Variants in ELAVL4 observed in about 807,000 individuals in gnomAD.
ELAVL4 encodes the protein ELAV-like protein 4.
In ELAVL4, 1 loss-of-function variant was observed where a neutral mutation model predicts 35.6. The ratio of observed to expected loss-of-function variants is 0.03; its 90% CI spans 0.01 to 0.13. The LOEUF is 0.13. Among genes scored for constraint, ELAVL4 ranks in the 10% least tolerant of loss-of-function variants. The pLI is 1.00. For synonymous variants in ELAVL4, 156 were observed against 171.0 expected, an observed-to-expected ratio of 0.91 and a Z score of 0.69; for missense variants, 267 against 464.9, an observed-to-expected ratio of 0.57 and a Z score of 3.91.
At chr1:50,070,941 G>A (rs1664490374) in intron 1 of ELAVL4, among the ~76,000 whole-genome samples, 1 of 152,066 alleles carries the variant, frequency 6.6e-6, no homozygotes, top group African/African-American at 2.4e-5. Context: ...CTGCCTCTCA[G>A]ACACTCAGAT....
intron 1 of ELAVL4, among the ~76,000 whole-genome samples, chr1:50,065,827 G>T (rs886374568): frequency 2.6e-5 from 4 of 152,146 alleles, no homozygotes; most frequent in Non-Finnish European, 5.9e-5. Context: ...ATGTGTCGGG[G>T]TTGAGGGCTA....
intron 1 of ELAVL4, among the ~76,000 whole-genome samples, chr1:50,086,859 G>C: frequency 6.6e-6 from 1 of 152,062 alleles, no homozygotes. Context: ...AATAGGTACT[G>C]CTGTAGTGTG....
intron 2 of ELAVL4, among the ~76,000 whole-genome samples, chr1:50,154,083 T>C (rs1376017475): frequency 6.6e-6 from 1 of 152,190 alleles, no homozygotes; most frequent in Non-Finnish European, 1.5e-5. Context: ...AGATAATGAA[T>C]AGAACAGGCA....
At chr1:50,154,732 T>TTTG (rs958579984) in intron 2 of ELAVL4, among the ~76,000 whole-genome samples, 20 of 147,802 alleles carry the variant, frequency 1.4e-4, no homozygotes, top group African/African-American at 5.1e-4. Flanking sequence ...CTTTGCCTGG[T>TTTG]TTGTTGTTGT....
intron 1 of ELAVL4, among the ~76,000 whole-genome samples, chr1:50,056,093 A>C (rs1185861667): frequency 6.6e-6 from 1 of 152,086 alleles, no homozygotes; most frequent in Admixed American, 6.5e-5. Context: ...CTTTTTCCCT[A>C]CATTTCTGAT....
intron 1 of ELAVL4, among the ~76,000 whole-genome samples, chr1:50,112,086 T>C (rs1227314462): frequency 4.6e-5 from 7 of 152,124 alleles, no homozygotes; most frequent in African/African-American, 1.7e-4. Flanking sequence ...CCCAATTCTT[T>C]TTTCCTTGCA....
intron 1 of ELAVL4, among the ~76,000 whole-genome samples, chr1:50,136,093 G>A (rs1671838250): frequency 1.3e-5 from 2 of 152,110 alleles, no homozygotes; most frequent in African/African-American, 2.4e-5. Context: ...AAAGAAGGAC[G>A]GGAGAGAATA....
At chr1:50,190,069 A>T (rs775813784) in intron 3 of ELAVL4, among the ~76,000 whole-genome samples, 2 of 152,198 alleles carry the variant, frequency 1.3e-5, no homozygotes, top group Non-Finnish European at 2.9e-5. Context: ...ACCCCTACCC[A>T]GAGAGAGGAG....
In ELAVL4 at chr1:50,109,016, C is replaced by CGGGGCGGG; in HGVS notation, c.-174_-173insGGGGCGGG. ...CTCCTTTTCTTTTTTTTCTTTCTCTCCCCCGCCCACCCCCCCAAAAATAAT... is the reference window on the plus strand; with the variant it reads ...CTCCTTTTCTTTTTTTTCTTTCTCTCGGGGCGGGCCCCGCCCACCCCCCCAAAAATAAT... On this transcript the variant is annotated 5_prime_UTR_variant, in exon 1 of 7. Coordinates refer to ENST00000371824, the MANE Select transcript of ELAVL4 (RefSeq NM_001144774.3). The CGGGGCGGG allele has an allele frequency of 4.4e-6, 4 of 905,738 alleles. No individual in the cohort carries two copies. Among genetic ancestry groups the CGGGGCGGG allele is most frequent in the Non-Finnish European group, 5.3e-6 (4 of 761,358 alleles). 56.1% of individuals were successfully genotyped at this position (905,738 alleles called of 1,614,324 possible).
intron 1 of ELAVL4, among the ~76,000 whole-genome samples, chr1:50,057,596 T>G (rs1453597162): frequency 6.6e-6 from 1 of 152,230 alleles, no homozygotes; most frequent in East Asian, 1.9e-4. Context: ...TATGTTTAGA[T>G]ACACAAATAC....
At chr1:50,104,026 G>A, upstream of ELAVL4, 3 of 1,613,662 alleles carry the variant, frequency 1.9e-6, no homozygotes, top group Non-Finnish European at 2.5e-6. Flanking sequence ...TCACTGGATA[G>A]CCTGGCAGAT....
intron 1 of ELAVL4, among the ~76,000 whole-genome samples, chr1:50,136,479 C>G (rs1671908572): frequency 6.6e-6 from 1 of 152,148 alleles, no homozygotes; most frequent in Non-Finnish European, 1.5e-5. Flanking sequence ...CCTTGGTAAA[C>G]ATTATTCTTC....
At chr1:50,059,550 T>G (rs550620483) in intron 1 of ELAVL4, among the ~76,000 whole-genome samples, 2 of 152,040 alleles carry the variant, frequency 1.3e-5, no homozygotes, top group South Asian at 4.1e-4. Flanking sequence ...TGAGGAGGTT[T>G]TTTAAAAAAA....
At chr1:50,075,751 C>A (rs1664731249) in intron 1 of ELAVL4, among the ~76,000 whole-genome samples, 1 of 152,116 alleles carries the variant, frequency 6.6e-6, no homozygotes, top group African/African-American at 2.4e-5. Flanking sequence ...TCTTGATGAA[C>A]CCGTCATAAG....
chr1:50,048,615 C>T (rs1663193270), intron 1 of ELAVL4, among the ~76,000 whole-genome samples: 1 of 152,110 alleles, frequency 6.6e-6, no homozygotes, highest in South Asian at 2.1e-4. Flanking sequence ...CAGGCAGCTT[C>T]GGGCGATCAG....
intron 1 of ELAVL4, among the ~76,000 whole-genome samples, chr1:50,082,833 T>C (rs560284414): frequency 6.6e-6 from 1 of 152,242 alleles, no homozygotes; most frequent in African/African-American, 2.4e-5. Flanking sequence ...CCTCCTTCCC[T>C]CCTTTTCTCT....
chr1:50,188,864 G>T (rs1682237902), intron 3 of ELAVL4, among the ~76,000 whole-genome samples: 2 of 152,184 alleles, frequency 1.3e-5, no homozygotes, highest in Admixed American at 6.5e-5. Flanking sequence ...GCTGCAGGGG[G>T]TTCTCTCCAC....
chr1:50,177,241 T>C, intron 3 of ELAVL4, 49 bp downstream of exon 3: 1 of 1,425,910 alleles, frequency 7.0e-7, no homozygotes, highest in Non-Finnish European at 9.9e-7. Context: ...TGGTTAAATT[T>C]CATTCTGTTG....
At chr1:50,113,448 A>G (rs555602765) in intron 1 of ELAVL4, among the ~76,000 whole-genome samples, 2 of 152,264 alleles carry the variant, frequency 1.3e-5, no homozygotes, top group East Asian at 1.9e-4. Flanking sequence ...TCATACATAG[A>G]CGAAAGTACT....
Sources: gnomAD v4.1 joint callset for allele counts (sites outside exome capture counted in the v4.1 genomes callset) on GRCh38, gnomAD v4.1.1 for gene constraint, MANE v1.5 for transcripts, NCBI Gene and HGNC (gene_info 2026-07-23, HGNC 2026-07-21) for gene names.